Variants in CIPC observed in about 807,000 individuals in gnomAD.
The protein encoded by CIPC is CLOCK-interacting pacemaker.
CIPC carries 12 observed loss-of-function variants against 26.7 expected under a neutral mutation model. That is an observed-to-expected ratio of 0.45 (90% CI 0.29 to 0.73). The LOEUF is 0.73. Ranked by LOEUF, CIPC falls within the 30% of genes least tolerant of loss-of-function variation. The pLI is 0.12. For missense variants in CIPC, 417 were observed against 486.5 expected, an observed-to-expected ratio of 0.86 and a Z score of 1.34; for synonymous variants, 170 against 189.8, an observed-to-expected ratio of 0.90 and a Z score of 0.86.
At position 77,113,959 on chromosome 14, in the gene CIPC, C is replaced by G; in HGVS notation, c.841C>G (p.Pro281Ala). The G allele has an allele frequency of 6.2e-7, 1 of 1,614,236 alleles. No individual in the cohort carries two copies. The highest frequency in any genetic ancestry group is 8.5e-7 in the Non-Finnish European group (1 of 1,180,054). The change falls in exon 4 of 4, where the codon CCC (proline) becomes GCC (alanine). Residue 281 changes from proline (P) to alanine (A), a missense_variant. Pro to Ala is a conservative substitution (Grantham distance 27, BLOSUM62 -1). Transcript: ENST00000361786. ...TCTCCATGGGTTAGAGAGCAACTCT[C>G]CCCTTTCACCACTGTCCGCTAATTA... ...STLHGLESNS[P>A]LSPLSANYSS... is the part of the protein sequence containing the mutation.
intron 3 of CIPC, among the ~76,000 whole-genome samples, chr14:77,112,930 T>G (rs1449794785): frequency 6.6e-6 from 1 of 152,184 alleles, no homozygotes. Flanking sequence ...CAGGCTGGTC[T>G]CGAACTCCTG....
intron 2 of CIPC, among the ~76,000 whole-genome samples, chr14:77,108,818 C>A (rs1886641293): frequency 1.3e-5 from 2 of 152,142 alleles, no homozygotes; most frequent in Non-Finnish European, 2.9e-5. Flanking sequence ...TCATGGAATT[C>A]TTTTGTAATT....
chr14:77,103,315 G>A (rs757307129), intron 1 of CIPC, among the ~76,000 whole-genome samples: 15 of 152,148 alleles, frequency 9.9e-5, no homozygotes, highest in Non-Finnish European at 1.9e-4. Context: ...GGTAGTTAAT[G>A]TTCTTCACTA....
chr14:77,110,836 A>G (rs1886684420), intron 3 of CIPC, among the ~76,000 whole-genome samples: 1 of 152,230 alleles, frequency 6.6e-6, no homozygotes, highest in Non-Finnish European at 1.5e-5. Flanking sequence ...ATCTGGCTTG[A>G]GTAGTTGACT....
chr14:77,109,119 T>G (rs935673118), intron 2 of CIPC, among the ~76,000 whole-genome samples: 1 of 152,200 alleles, frequency 6.6e-6, no homozygotes, highest in African/African-American at 2.4e-5. Context: ...CTGGGCTCAT[T>G]TGTTTTCAGT....
chr14:77,100,081 A>G (rs1886447926), intron 1 of CIPC: 1 of 152,178 alleles, frequency 6.6e-6, no homozygotes, highest in Non-Finnish European at 1.5e-5. Flanking sequence ...GGTTGCAAAG[A>G]TGAAAAAAAC....
Position 77,107,627 on chromosome 14 carries a change from TACACACAC to T in CIPC, c.136+1808_136+1815del, listed in dbSNP as rs35968918. Among the ~76,000 whole-genome samples the T allele has an allele frequency of 5.0e-3, 756 of 150,378 alleles. 4 individuals carry two copies. The highest frequency in any genetic ancestry group is 0.027 in the Middle Eastern group (8 of 292). ...TATGCTTTCTCTCTCTCGCTCTCTT[TACACACAC>T]ACACACACACACACACACACACACT... On this transcript the variant is annotated intron_variant, in intron 2 of 3. Coordinates refer to ENST00000361786, the MANE Select transcript of CIPC (RefSeq NM_033426.3).
At chr14:77,110,018 TAAA>T in intron 3 of CIPC, 37 bp downstream of exon 3, 8 of 1,592,460 alleles carry the variant, frequency 5.0e-6, no homozygotes, top group Non-Finnish European at 6.9e-6. Context: ...TCTTTGCAAA[TAAA>T]AATCTCTTAG....
Position 77,104,034 on chromosome 14 carries a change from TG to T in CIPC, c.-52-1622del, listed in dbSNP as rs1205282106. 5.3e-5 allele frequency among the ~76,000 whole-genome samples: 8 copies of T among 152,330 alleles called. 1 individual carries two copies. The highest frequency in any genetic ancestry group is 5.2e-4 in the Admixed American group (8 of 15,300). On this transcript the variant is annotated intron_variant, in intron 1 of 3. Coordinates refer to ENST00000361786, the MANE Select transcript of CIPC (RefSeq NM_033426.3). ...AACTAAATGATCTCAATGCCACTCTTGCCCTTCTCCACTTTAGCCTCAGTTC... is the reference window on the plus strand; with the variant it reads ...AACTAAATGATCTCAATGCCACTCTTCCCTTCTCCACTTTAGCCTCAGTTC...
chr14:77,103,266 C>A (rs997636560), intron 1 of CIPC, among the ~76,000 whole-genome samples: 15 of 152,170 alleles, frequency 9.9e-5, no homozygotes, highest in African/African-American at 3.6e-4. Flanking sequence ...TTATAAGCAT[C>A]CTTGTCTTCT....
At chr14:77,100,563 CTTT>C (rs1886461124) in intron 1 of CIPC, among the ~76,000 whole-genome samples, 1 of 148,702 alleles carries the variant, frequency 6.7e-6, no homozygotes, top group African/African-American at 2.5e-5. Flanking sequence ...CTTTTCTTTT[CTTT>C]TCTCTTCTTT....
chr14:77,106,515 TC>T (rs1886593347), intron 2 of CIPC, among the ~76,000 whole-genome samples: 1 of 152,172 alleles, frequency 6.6e-6, no homozygotes, highest in African/African-American at 2.4e-5. Context: ...TTTTTTTATT[TC>T]CCGCTCTGAG....
chr14:77,111,359 T>C (rs1324079212), intron 3 of CIPC, among the ~76,000 whole-genome samples: 4 of 152,206 alleles, frequency 2.6e-5, no homozygotes, highest in African/African-American at 9.7e-5. Flanking sequence ...GCTAAGAGAC[T>C]TGGGGACAAG....
At chr14:77,110,886 C>T (rs531123222) in intron 3 of CIPC, among the ~76,000 whole-genome samples, 2 of 152,176 alleles carry the variant, frequency 1.3e-5, no homozygotes, top group South Asian at 4.1e-4. Context: ...ATGGCTTTAA[C>T]TTGACAGGAA....
At position 77,113,904 on chromosome 14, in the gene CIPC, C is replaced by G; in HGVS notation, c.786C>G (p.Pro262=). Reference sequence around the variant, plus strand: ...CTCCCAGTCTGACCTTCGCTTCCCCCGCCAGTCCTGTCTGCGCATCAGACA... The same window carrying G: ...CTCCCAGTCTGACCTTCGCTTCCCCGGCCAGTCCTGTCTGCGCATCAGACA... ...AKAPSLTFAS[P]ASPVCASDST... is the part of the protein sequence containing the mutation. Residue 262 remains proline (P), a synonymous_variant, in exon 4 of 4, where the codon CCC becomes CCG. Coordinates refer to ENST00000361786, the MANE Select transcript of CIPC (RefSeq NM_033426.3). 1 of 1,614,216 alleles carries G rather than the reference C, an allele frequency of 6.2e-7. No homozygotes were observed. Among genetic ancestry groups the G allele is most frequent in the Non-Finnish European group, 8.5e-7 (1 of 1,180,046 alleles).
intron 1 of CIPC, among the ~76,000 whole-genome samples, chr14:77,104,754 T>A (rs1490844751): frequency 6.6e-6 from 1 of 152,222 alleles, no homozygotes; most frequent in African/African-American, 2.4e-5. Context: ...TTATAGCTCT[T>A]ATCAAAATGG....
intron 3 of CIPC, among the ~76,000 whole-genome samples, chr14:77,112,726 T>G (rs545626936): frequency 1.3e-5 from 2 of 152,158 alleles, no homozygotes; most frequent in East Asian, 1.9e-4. Context: ...TGTTGTTGTT[T>G]TTGAAACCAA....
intron 2 of CIPC, among the ~76,000 whole-genome samples, chr14:77,108,508 A>G (rs1009712885): frequency 6.6e-6 from 1 of 152,102 alleles, no homozygotes; most frequent in African/African-American, 2.4e-5. Context: ...CCTGACCAAC[A>G]TGGAGAAACC....
In CIPC at chr14:77,113,594, C is replaced by T. The variant is rs1886747403; in HGVS notation, c.476C>T (p.Ser159Phe). ...AGGAACTACTTGCCCATTCTGAATT[C>T]TTACACCAAAATAGCCCCACATCCA... is the stretch of plus-strand genomic sequence containing the variant. ...DSRNYLPILN[S>F]YTKIAPHPGK... The change falls in exon 4 of 4, where the codon TCT becomes TTT. Residue 159 changes from serine to phenylalanine, a missense_variant. Ser to Phe is a radical substitution (Grantham distance 155). Transcript: ENST00000361786. 6.2e-7 allele frequency: 1 copy of T among 1,614,234 alleles called. No homozygotes were observed. Among genetic ancestry groups the T allele is most frequent in the Non-Finnish European group, 8.5e-7 (1 of 1,180,052 alleles).
Sources: allele counts gnomAD v4.1 joint callset (sites outside exome capture counted in the v4.1 genomes callset), GRCh38; gene constraint gnomAD v4.1.1; transcripts MANE v1.5; gene names NCBI Gene and HGNC (gene_info 2026-07-23, HGNC 2026-07-21).